The following BPIFC variants were observed in gnomAD, a reference collection of about 807,000 sequenced individuals.
BPIFC encodes BPI fold-containing family C protein.
In BPIFC, 60 loss-of-function variants were observed where a neutral mutation model predicts 57.6. That is an observed-to-expected ratio of 1.04 (90% CI 0.85 to 1.29). The LOEUF is 1.29. Among genes scored for constraint, BPIFC ranks in the 50% most tolerant of loss-of-function variants. The pLI is 0.00. For missense variants in BPIFC, 581 were observed against 600.5 expected (o/e 0.97, Z 0.34); for synonymous variants, 243 against 224.5 (o/e 1.08, Z -0.74).
At chr22:32,422,877 G>A (rs1933888188) in intron 13 of BPIFC, among the ~76,000 whole-genome samples, 1 of 152,144 alleles carries the variant, frequency 6.6e-6, no homozygotes, top group Admixed American at 6.6e-5. Context: ...CATGTCCTTG[G>A]CACCCAGTAC....
chr22:32,424,442 C>T (rs1308346054), intron 13 of BPIFC, among the ~76,000 whole-genome samples: 1 of 151,930 alleles, frequency 6.6e-6, no homozygotes, highest in East Asian at 1.9e-4. Context: ...TTTTCTCTTT[C>T]TTTTATCAAT....
intron 8 of BPIFC, among the ~76,000 whole-genome samples, chr22:32,442,026 C>T (rs969700528): frequency 4.6e-5 from 7 of 152,184 alleles, no homozygotes; most frequent in African/African-American, 7.2e-5. Context: ...CAGTCGCCTG[C>T]CCACTGTTCA....
intron 8 of BPIFC, among the ~76,000 whole-genome samples, chr22:32,438,941 G>A (rs891567446): frequency 2.6e-5 from 4 of 152,116 alleles, no homozygotes; most frequent in African/African-American, 9.7e-5. Flanking sequence ...TAGGCACAGT[G>A]CTGCTAATCC....
chr22:32,431,910 C>T (rs2145929100), intron 12 of BPIFC, among the ~76,000 whole-genome samples: 1 of 151,778 alleles, frequency 6.6e-6, no homozygotes, highest in South Asian at 2.1e-4. Context: ...TGCTTACCTC[C>T]CATCCTGCCA....
intron 1 of BPIFC, among the ~76,000 whole-genome samples, chr22:32,464,028 CTG>C (rs1366272703): frequency 6.6e-6 from 1 of 152,188 alleles, no homozygotes; most frequent in Non-Finnish European, 1.5e-5. Context: ...TTTTCTGCCA[CTG>C]TGCTGGGTTC....
Position 32,414,162 on chromosome 22 carries a change from A to G in BPIFC, c.*141T>C, listed in dbSNP as rs533156348. On this transcript the variant is annotated 3_prime_UTR_variant, in exon 17 of 17. Transcript: ENST00000300399. Reference sequence around the variant, plus strand: ...AGTCTGCCTTATTCTGGGTTCCTGAAGGCTTAAGAAAGAAAACTTTCTGCC... The same window carrying G: ...AGTCTGCCTTATTCTGGGTTCCTGAGGGCTTAAGAAAGAAAACTTTCTGCC... The G allele has an allele frequency of 1.7e-6, 2 of 1,157,400 alleles. No homozygotes were observed. The highest frequency in any genetic ancestry group is 3.1e-5 in the African/African-American group (2 of 64,140). 71.7% of individuals were successfully genotyped at this position (1,157,400 alleles called of 1,614,324 possible).
chr22:32,417,108 A>T lies in BPIFC; in HGVS notation c.1301T>A (p.Phe434Tyr), dbSNP rs1347121397. 1 of 1,606,684 alleles carries T rather than the reference A, an allele frequency of 6.2e-7. No homozygotes were observed. The highest frequency in any genetic ancestry group is 8.5e-7 in the Non-Finnish European group (1 of 1,173,356). ...FENILSSILH[F>Y]GVLPLANAKL... Reference sequence around the variant, plus strand: ...ACCATTGGCCAGTGGGAGGACTCCAAAGTGAAGAATGGACGATAGAATATT... The same window carrying T: ...ACCATTGGCCAGTGGGAGGACTCCATAGTGAAGAATGGACGATAGAATATT... The change falls in exon 15 of 17, where the codon TTT becomes TAT. Residue 434 changes from phenylalanine (F) to tyrosine (Y), a missense_variant. Transcript: ENST00000300399.
Position 32,431,512 on chromosome 22 carries a change from C to A in BPIFC, c.1150-98G>T. The A allele has an allele frequency of 3.7e-6, 3 of 809,962 alleles. 1 individual carries two copies. Among genetic ancestry groups the A allele is most frequent in the Non-Finnish European group, 6.1e-6 (3 of 493,222 alleles). The allele number at this position is 809,962 out of a possible 1,614,324, so 50.2% of individuals were successfully genotyped here. ...GTTGAAACATTATAAGCCCAACATT[C>A]CCCCTTAGTGTAAAGACATTGGAAG... On this transcript the variant is annotated intron_variant, in intron 12 of 16. Coordinates refer to ENST00000300399, the MANE Select transcript of BPIFC (RefSeq NM_174932.3).
At chr22:32,441,486 C>T (rs560410906) in intron 8 of BPIFC, among the ~76,000 whole-genome samples, 10 of 152,234 alleles carry the variant, frequency 6.6e-5, no homozygotes, top group Admixed American at 2.0e-4. Context: ...ATTTCAGGTG[C>T]TCAGCGCGCC....
At chr22:32,424,574 T>TTTCTTCTTCTAC (rs1379670000) in intron 13 of BPIFC, among the ~76,000 whole-genome samples, 1 of 68,984 alleles carries the variant, frequency 1.4e-5, no homozygotes, top group East Asian at 4.7e-4. Flanking sequence ...TGTTATTTTC[T>TTTCTTCTTCTAC]TTCTTCTTCT....
At chr22:32,439,916 T>C (rs1172414810) in intron 8 of BPIFC, among the ~76,000 whole-genome samples, 1 of 151,944 alleles carries the variant, frequency 6.6e-6, no homozygotes, top group Non-Finnish European at 1.5e-5. Flanking sequence ...TGCCTGGCCA[T>C]TGCCACAGTT....
chr22:32,435,677 T>C (rs747579472), intron 10 of BPIFC, 27 bp downstream of exon 10: 1 of 1,598,950 alleles, frequency 6.3e-7, no homozygotes, highest in East Asian at 2.2e-5. Flanking sequence ...ATGGTGACCA[T>C]TGACATCCTC....
At chr22:32,461,512 C>G in intron 2 of BPIFC, 62 bp downstream of exon 2, 1 of 899,070 alleles carries the variant, frequency 1.1e-6, no homozygotes, top group African/African-American at 1.8e-5. Flanking sequence ...GTAAAGCCCT[C>G]CATGTCCTGA....
rs780990651 is a variant in BPIFC at position 32,445,864 on chromosome 22, G to A, written c.507C>T (p.His169=). The A allele has an allele frequency of 3.6e-5, 58 of 1,614,102 alleles. No individual in the cohort carries two copies. The highest frequency in any genetic ancestry group is 4.4e-5 in the Non-Finnish European group (52 of 1,180,014). ...QDCYAQLSHA[H]VSFSGELSVL... is the part of the protein sequence containing the mutation. ...ACCTGAGTTCTCCGGAAAATGAGAC[G>A]TGGGCATGGCTCAGTTGGGCGTAGC... Residue 169 remains histidine, a synonymous_variant, in exon 6 of 17, where the codon CAC becomes CAT. Transcript: ENST00000300399.
At chr22:32,438,219 T>C (rs1934465480) in intron 8 of BPIFC, among the ~76,000 whole-genome samples, 2 of 144,504 alleles carry the variant, frequency 1.4e-5, no homozygotes, top group Admixed American at 7.0e-5. Flanking sequence ...GTGAATGTGG[T>C]CTCTCTCTCT....
intron 8 of BPIFC, among the ~76,000 whole-genome samples, chr22:32,439,602 T>C (rs1406908008): frequency 7.5e-6 from 1 of 133,844 alleles, no homozygotes; most frequent in East Asian, 2.0e-4. Context: ...GCCACCATAG[T>C]TTTTATTTTT....
intron 15 of BPIFC, 40 bp downstream of exon 15, chr22:32,417,045 G>T: frequency 6.7e-7 from 1 of 1,481,602 alleles, no homozygotes; most frequent in East Asian, 2.3e-5. Flanking sequence ...TTAAATGTTA[G>T]CCGATGTTAC....
At chr22:32,451,061 T>C (rs764302552) in intron 4 of BPIFC, among the ~76,000 whole-genome samples, 47 of 152,356 alleles carry the variant, frequency 3.1e-4, no homozygotes, top group Non-Finnish European at 6.3e-4. Context: ...CTGCATTTAG[T>C]GTTTAATAGC....
chr22:32,461,549 T>C, intron 2 of BPIFC, 25 bp downstream of exon 2: 1 of 980,796 alleles, frequency 1.0e-6, no homozygotes, highest in Non-Finnish European at 1.2e-6. Flanking sequence ...AACAGCATCT[T>C]AACACTCTGA....
Sources: gnomAD v4.1 joint callset for allele counts (sites outside exome capture counted in the v4.1 genomes callset) on GRCh38, gnomAD v4.1.1 for gene constraint, MANE v1.5 for transcripts, NCBI Gene and HGNC (gene_info 2026-07-23, HGNC 2026-07-21) for gene names.